Variants in GSDMC observed in about 807,000 individuals in gnomAD.
GSDMC encodes the protein gasdermin-C.
Under a neutral mutation model 58.0 loss-of-function variants are expected in GSDMC, and 59 were observed. The ratio of observed to expected loss-of-function variants is 1.02; its 90% confidence interval spans 0.82 to 1.26. The LOEUF (loss-of-function observed/expected upper bound fraction) is 1.26, where lower values mean the gene tolerates loss of function less well. Ranked by LOEUF, GSDMC falls within the 50% of genes most tolerant of loss-of-function variation. The pLI is 0.00. For missense variants in GSDMC, 659 were observed against 598.5 expected (o/e 1.10, Z -1.06); for synonymous variants, 241 against 220.2 (o/e 1.09, Z -0.83).
chr8:129,739,882 G>T, the GSDMC span, among the ~76,000 whole-genome samples: 1 of 152,108 alleles, frequency 6.6e-6, no homozygotes, highest in African/African-American at 2.4e-5. Flanking sequence ...CCAGAAGAAA[G>T]CCTTGTTATC....
intron 6 of GSDMC, among the ~76,000 whole-genome samples, chr8:129,753,820 T>C (rs2033322853): frequency 6.6e-6 from 1 of 152,078 alleles, no homozygotes; most frequent in Non-Finnish European, 1.5e-5. Flanking sequence ...AGCTGACTCA[T>C]GAGCCCTTGG....
In GSDMC at chr8:129,776,124, T is replaced by G. The variant is rs2034215452; in HGVS notation, c.382A>C (p.Asn128His). The G allele has an allele frequency of 6.2e-7, 1 of 1,613,668 alleles. No homozygotes were observed. Among genetic ancestry groups the G allele is most frequent in the East Asian group, 2.2e-5 (1 of 44,844 alleles). Residue 128 changes from asparagine to histidine, a missense_variant, in exon 3 of 14, where the codon AAC (asparagine) becomes CAC (histidine). Coordinates refer to ENST00000276708, the MANE Select transcript of GSDMC (RefSeq NM_031415.3). ...EFQIVTIPSPNLEDFQKRKLL... is the reference protein window; with the variant it reads ...EFQIVTIPSPHLEDFQKRKLL... The stretch of plus-strand genomic sequence containing the variant: ...CACCTTTTTTGAAAGTCTTCCAGGT[T>G]TGGTGATGGGATGGTAACAATTTGA...
chr8:129,751,603 C>T (rs1563788450), intron 9 of GSDMC, 35 bp from the exon 10 acceptor site: 1 of 1,605,152 alleles, frequency 6.2e-7, no homozygotes. Context: ...CTCACTTCCT[C>T]ATCCCCCCAA....
chr8:129,717,618 C>T, the GSDMC span, among the ~76,000 whole-genome samples: 1 of 152,092 alleles, frequency 6.6e-6, no homozygotes, highest in African/African-American at 2.4e-5. Context: ...AGATTTGATG[C>T]TATGCCCCTC....
intron 6 of GSDMC, among the ~76,000 whole-genome samples, chr8:129,759,818 C>T (rs1437668634): frequency 6.6e-6 from 1 of 152,058 alleles, no homozygotes; most frequent in Non-Finnish European, 1.5e-5. Context: ...CCTCAAAAAA[C>T]GAAAACTAGA....
chr8:129,742,522 T>C, the GSDMC span, among the ~76,000 whole-genome samples: 1 of 151,950 alleles, frequency 6.6e-6, no homozygotes, highest in Admixed American at 6.6e-5. Flanking sequence ...GTCTCTAGGG[T>C]TTTCTCTCTG....
the GSDMC span, among the ~76,000 whole-genome samples, chr8:129,719,777 T>G: frequency 1.3e-5 from 2 of 152,204 alleles, no homozygotes; most frequent in African/African-American, 4.8e-5. Context: ...AAACCCCGTC[T>G]CTACTAAAAA....
chr8:129,715,124 AAATATT>A, the GSDMC span, among the ~76,000 whole-genome samples: 47 of 152,186 alleles, frequency 3.1e-4, no homozygotes, highest in African/African-American at 1.1e-3. Flanking sequence ...AAAATAATAT[AAATATT>A]AAGACACAGG....
intron 1 of GSDMC, among the ~76,000 whole-genome samples, chr8:129,779,247 G>A (rs1019630458): frequency 3.3e-5 from 5 of 152,024 alleles, no homozygotes; most frequent in South Asian, 2.1e-4. Flanking sequence ...AAGAAAACGC[G>A]GTACATATAC....
chr8:129,781,541 GAGACCGTCCT>G (rs1259619441), intron 1 of GSDMC, among the ~76,000 whole-genome samples: 1 of 152,044 alleles, frequency 6.6e-6, no homozygotes. Flanking sequence ...TCAGGAGATC[GAGACCGTCCT>G]GGCTAACACG....
the GSDMC span, among the ~76,000 whole-genome samples, chr8:129,719,733 C>T: frequency 9.2e-5 from 14 of 152,002 alleles, no homozygotes; most frequent in African/African-American, 3.4e-4. Flanking sequence ...TCACTTGAGG[C>T]CGGGAATTTG....
downstream of GSDMC, among the ~76,000 whole-genome samples, chr8:129,745,797 G>A (rs1008012342): frequency 6.6e-6 from 1 of 151,790 alleles, no homozygotes; most frequent in African/African-American, 2.4e-5. Context: ...AGTTCATAGT[G>A]TATAATTCAC....
the GSDMC span, chr8:129,705,751 T>A: frequency 1.3e-5 from 2 of 152,270 alleles, no homozygotes; most frequent in Admixed American, 1.3e-4. Context: ...GGGCTGAAGA[T>A]CAGAGATGGT....
intron 12 of GSDMC, 77 bp from the exon 13 acceptor site, chr8:129,749,602 C>G (rs1248270161): frequency 2.8e-6 from 3 of 1,055,382 alleles, no homozygotes; most frequent in Non-Finnish European, 4.5e-6. Context: ...GCAGGAGACC[C>G]CCTGAGAGAA....
At chr8:129,728,583 A>C in the GSDMC span, among the ~76,000 whole-genome samples, 1 of 152,212 alleles carries the variant, frequency 6.6e-6, no homozygotes, top group Non-Finnish European at 1.5e-5. Flanking sequence ...CCAGGGGCTA[A>C]GCAGGGAGCT....
At chr8:129,755,853 A>G (rs994725378) in intron 6 of GSDMC, among the ~76,000 whole-genome samples, 30 of 151,986 alleles carry the variant, frequency 2.0e-4, no homozygotes, top group African/African-American at 7.0e-4. Flanking sequence ...GTAACCTCAA[A>G]TCAAAAGACT....
At chr8:129,776,384 G>T in intron 2 of GSDMC, 99 bp from the exon 3 acceptor site, 1 of 886,424 alleles carries the variant, frequency 1.1e-6, no homozygotes, top group East Asian at 2.8e-5. Flanking sequence ...AAATAACAAA[G>T]ACCTATTTTG....
intron 2 of GSDMC, 51 bp downstream of exon 2, chr8:129,777,317 G>T: frequency 1.8e-6 from 2 of 1,124,844 alleles, no homozygotes; most frequent in South Asian, 1.3e-5. Context: ...ATCTTTTTCT[G>T]ACCACACATG....
chr8:129,752,839 C>A lies in GSDMC; in HGVS notation c.722-19G>T, dbSNP rs1259066671. The A allele has an allele frequency of 6.2e-7, 1 of 1,613,950 alleles. No homozygotes were observed. The highest frequency in any genetic ancestry group is 8.5e-7 in the Non-Finnish European group (1 of 1,179,926). On this transcript the variant is annotated intron_variant, in intron 6 of 13. Transcript: ENST00000276708. ...TCGTACTCTTGGGAGAGAGGGAGAG[C>A]AGAATGACTGGGTAACTTTACATTG...
Sources: gnomAD v4.1 joint callset for allele counts (sites outside exome capture counted in the v4.1 genomes callset) on GRCh38, gnomAD v4.1.1 for gene constraint, MANE v1.5 for transcripts, NCBI Gene and HGNC (gene_info 2026-07-23, HGNC 2026-07-21) for gene names.